Variants in DPH6 observed in about 807,000 individuals in gnomAD.
DPH6 encodes the protein diphthamine biosynthesis 6, also known as diphthine--ammonia ligase.
A neutral mutation model predicts 38.2 loss-of-function variants in DPH6; 33 were observed. The ratio of observed to expected loss-of-function variants is 0.86; its 90% CI spans 0.65 to 1.15. The LOEUF is 1.15. DPH6 is among the 50% of genes most tolerant of loss of function. DPH6 has a pLI of 0.00. For missense variants in DPH6, 325 were observed against 320.0 expected (o/e 1.02, Z -0.12); for synonymous variants, 108 against 103.0 (o/e 1.05, Z -0.30).
intron 5 of DPH6, among the ~76,000 whole-genome samples, chr15:35,414,777 C>T (rs1406142723): frequency 1.3e-5 from 2 of 151,444 alleles, no homozygotes; most frequent in African/African-American, 4.8e-5. Flanking sequence ...ACGTGACTAG[C>T]ATTTATTCTG....
At chr15:35,178,934 C>T in the DPH6 span, among the ~76,000 whole-genome samples, 3 of 152,008 alleles carry the variant, frequency 2.0e-5, no homozygotes, top group Admixed American at 6.6e-5. Context: ...TGGCCGGATG[C>T]GGTGGCTCAC....
At chr15:35,276,736 T>C (rs2051861687) in intron 3 of DPH6, among the ~76,000 whole-genome samples, 1 of 152,108 alleles carries the variant, frequency 6.6e-6, no homozygotes, top group South Asian at 2.1e-4. Flanking sequence ...GAAAGATCAT[T>C]TGGCTGTACT....
At chr15:35,201,753 G>A in the DPH6 span, among the ~76,000 whole-genome samples, 1 of 151,660 alleles carries the variant, frequency 6.6e-6, no homozygotes, top group Admixed American at 6.6e-5. Context: ...CCCAAATCAA[G>A]ATAGTGATGA....
the DPH6 span, among the ~76,000 whole-genome samples, chr15:35,162,374 T>G: frequency 6.6e-6 from 1 of 151,878 alleles, no homozygotes; most frequent in Non-Finnish European, 1.5e-5. Flanking sequence ...TGGCCACTGT[T>G]TATATCTCCA....
chr15:35,373,608 C>G lies in DPH6; in HGVS notation c.663G>C (p.Val221=). Residue 221 remains valine, a splice_region_variant and synonymous_variant, in exon 8 of 9, where the codon GTG becomes GTC. Transcript: ENST00000256538. ...AATGTATGACTACTTCTGATGAATC[C>G]CTGAAATACAAAAATTTTACAATAC... The part of the protein sequence containing the change: ...DCPLFKKKII[V]DSSEVVIHSA... 1 of 1,600,956 alleles carries G rather than the reference C, an allele frequency of 6.2e-7. No homozygotes were observed. The highest frequency in any genetic ancestry group is 1.8e-5 in the Admixed American group (1 of 56,976).
chr15:35,255,896 T>C (rs1204898602), intron 3 of DPH6, among the ~76,000 whole-genome samples: 2 of 152,186 alleles, frequency 1.3e-5, no homozygotes, highest in Admixed American at 1.3e-4. Flanking sequence ...TACTCCATAA[T>C]GGTGAATAAC....
At chr15:35,439,790 A>G (rs1428148036) in intron 5 of DPH6, among the ~76,000 whole-genome samples, 1 of 152,132 alleles carries the variant, frequency 6.6e-6, no homozygotes, top group East Asian at 1.9e-4. Context: ...AAAAAGGAAA[A>G]AAAAAAAAGT....
chr15:35,439,499 G>A (rs1014508500), intron 5 of DPH6, among the ~76,000 whole-genome samples: 1 of 152,164 alleles, frequency 6.6e-6, no homozygotes, highest in African/African-American at 2.4e-5. Flanking sequence ...GGATGCAATC[G>A]GAGAAACTGG....
intron 3 of DPH6, among the ~76,000 whole-genome samples, chr15:35,339,604 T>C (rs2052404674): frequency 6.6e-6 from 1 of 152,088 alleles, no homozygotes; most frequent in Non-Finnish European, 1.5e-5. Flanking sequence ...GGATTACAGG[T>C]GTGAGTCACC....
At chr15:35,237,280 T>C (rs2051559824) in intron 3 of DPH6, 2 of 1,520,300 alleles carry the variant, frequency 1.3e-6, no homozygotes, top group East Asian at 4.5e-5. Flanking sequence ...GCCGTGTTAT[T>C]GATTGAATTC....
intron 3 of DPH6, among the ~76,000 whole-genome samples, chr15:35,462,534 T>C (rs1331603036): frequency 3.3e-5 from 5 of 152,184 alleles, no homozygotes; most frequent in African/African-American, 1.2e-4. Flanking sequence ...TCTCTGGGCT[T>C]ACCTTTGCCT....
the DPH6 span, among the ~76,000 whole-genome samples, chr15:35,196,304 C>G: frequency 3.6e-4 from 55 of 152,200 alleles, no homozygotes; most frequent in East Asian, 8.9e-3. Flanking sequence ...ATCCCTAAAA[C>G]TTTGGCAACT....
At chr15:35,292,463 A>G (rs1046775466) in intron 3 of DPH6, among the ~76,000 whole-genome samples, 1 of 152,158 alleles carries the variant, frequency 6.6e-6, no homozygotes, top group Admixed American at 6.5e-5. Context: ...ATATGAGAAT[A>G]TTTGATATTA....
intron 6 of DPH6, among the ~76,000 whole-genome samples, chr15:35,406,020 T>C (rs2053287638): frequency 6.6e-6 from 1 of 152,102 alleles, no homozygotes; most frequent in Non-Finnish European, 1.5e-5. Flanking sequence ...CACGCACGTA[T>C]CGCATGTTTT....
At chr15:35,177,416 AAAT>A in the DPH6 span, among the ~76,000 whole-genome samples, 8 of 137,740 alleles carry the variant, frequency 5.8e-5, no homozygotes, top group African/African-American at 1.8e-4. Flanking sequence ...CTCTCTACAA[AAAT>A]AATAATAATA....
At chr15:35,521,123 A>G (rs2054917301) in intron 3 of DPH6, 11 of 985,302 alleles carry the variant, frequency 1.1e-5, no homozygotes, top group Non-Finnish European at 1.3e-5. Context: ...AAGCAATGCT[A>G]AAGTGGCTAG....
At chr15:35,394,407 C>T (rs772963898) in intron 6 of DPH6, among the ~76,000 whole-genome samples, 1 of 152,200 alleles carries the variant, frequency 6.6e-6, no homozygotes, top group Non-Finnish European at 1.5e-5. Flanking sequence ...ATACTCACCC[C>T]ATGAGTGATT....
intron 3 of DPH6, among the ~76,000 whole-genome samples, chr15:35,282,018 C>G (rs1287432255): frequency 1.3e-5 from 2 of 152,156 alleles, no homozygotes; most frequent in Non-Finnish European, 2.9e-5. Flanking sequence ...ACATAGTATT[C>G]AAGAATATAA....
intron 3 of DPH6, among the ~76,000 whole-genome samples, chr15:35,236,604 A>T (rs1287650700): frequency 1.3e-5 from 2 of 151,448 alleles, no homozygotes; most frequent in Non-Finnish European, 1.5e-5. Flanking sequence ...GCGCCACTGC[A>T]CTCCAGCCTG....
Sources: gnomAD v4.1 joint callset for allele counts (sites outside exome capture counted in the v4.1 genomes callset) on GRCh38, gnomAD v4.1.1 for gene constraint, MANE v1.5 for transcripts, NCBI Gene and HGNC (gene_info 2026-07-23, HGNC 2026-07-21) for gene names.